CAMK1G: variants seen among roughly 807,000 people sequenced by gnomAD.
CAMK1G encodes calcium/calmodulin dependent protein kinase IG.
A neutral mutation model predicts 54.8 loss-of-function variants in CAMK1G; 27 were observed. That is an observed-to-expected ratio of 0.49 (90% CI 0.36 to 0.68). CAMK1G has a LOEUF of 0.68. Ranked by LOEUF, CAMK1G falls within the 30% of genes least tolerant of loss-of-function variation. The pLI is 0.00. For synonymous variants in CAMK1G, 238 were observed against 224.9 expected (o/e 1.06, Z -0.52); for missense variants, 512 against 591.0 (o/e 0.87, Z 1.39).
intron 3 of CAMK1G, among the ~76,000 whole-genome samples, chr1:209,601,012 C>T (rs941674233): frequency 6.6e-6 from 1 of 152,090 alleles, no homozygotes; most frequent in Admixed American, 6.5e-5. Context: ...GAAATGAGAC[C>T]TGATTACAAA....
chr1:209,610,008 C>T (rs1159548922), intron 9 of CAMK1G, 79 bp downstream of exon 9: 1 of 1,135,462 alleles, frequency 8.8e-7, no homozygotes, highest in African/African-American at 1.5e-5. Flanking sequence ...TATTGCATTT[C>T]CCTGGAATCT....
rs184537076 is a variant in CAMK1G at position 209,583,768 on chromosome 1, C to T, written c.-34C>T. On this transcript the variant is annotated 5_prime_UTR_variant, in exon 1 of 13. Transcript: ENST00000361322. ...GCTCAAGCAGGATTCTTCCCGAGTC[C>T]CTGGGTAAGACAACCCTGCTTCTTT... 6.6e-5 allele frequency: 10 copies of T among 152,332 alleles called. No individual in the cohort carries two copies. Among genetic ancestry groups the T allele is most frequent in the Admixed American group, 2.6e-4 (4 of 15,300 alleles). The allele number at this position is 152,332 out of a possible 1,614,324, so 9.4% of individuals were successfully genotyped here.
At chr1:209,599,548 T>C (rs1432694544) in intron 2 of CAMK1G, among the ~76,000 whole-genome samples, 1 of 152,198 alleles carries the variant, frequency 6.6e-6, no homozygotes, top group Non-Finnish European at 1.5e-5. Context: ...CAAGGACATT[T>C]GTGTATATTT....
chr1:209,600,161 C>T lies in CAMK1G; in HGVS notation c.221+50C>T, dbSNP rs776820568. Reference sequence around the variant, plus strand: ...GATCACTATGGGATCACAACATTTTCTTCACAAATTACCTTCAAAAAGGAC... The same window carrying T: ...GATCACTATGGGATCACAACATTTTTTTCACAAATTACCTTCAAAAAGGAC... On this transcript the variant is annotated intron_variant, in intron 3 of 12. Coordinates refer to ENST00000361322, the MANE Select transcript of CAMK1G (RefSeq NM_020439.3). The T allele has an allele frequency of 3.1e-6, 5 of 1,588,858 alleles. No homozygotes were observed. In the East Asian group the frequency reaches 9.0e-5, roughly 29 times the overall value.
At chr1:209,598,006 T>C (rs956978142) in intron 2 of CAMK1G, among the ~76,000 whole-genome samples, 14 of 152,328 alleles carry the variant, frequency 9.2e-5, no homozygotes, top group Non-Finnish European at 2.1e-4. Context: ...TCAGATACTA[T>C]TGATACTCCC....
At chr1:209,609,187 A>ATAG in intron 8 of CAMK1G, 95 bp downstream of exon 8, 1 of 1,477,210 alleles carries the variant, frequency 6.8e-7, no homozygotes, top group Non-Finnish European at 9.3e-7. Flanking sequence ...CCGGCTCTTC[A>ATAG]AAGTCCCTGG....
rs1253070204 is a variant in CAMK1G, at chr1:209,600,107, A to G, written c.217A>G (p.Lys73Glu). 1 of 1,613,108 alleles carries G rather than the reference A, an allele frequency of 6.2e-7. No individual in the cohort carries two copies. ...CCTGGAGAATGAGATTGCTGTGTTGAAAAAGTGAGTGGGTCTTAGTGTTGA... is the reference window on the plus strand; with the variant it reads ...CCTGGAGAATGAGATTGCTGTGTTGGAAAAGTGAGTGGGTCTTAGTGTTGA... ...SSLENEIAVL[K>E]KIKHENIVTL... Residue 73 changes from lysine to glutamate, a missense_variant, in exon 3 of 13, where the codon AAA becomes GAA. By Grantham distance (56) the Lys-to-Glu change is moderately conservative. Coordinates refer to ENST00000361322, the MANE Select transcript of CAMK1G (RefSeq NM_020439.3).
At chr1:209,601,762 T>G (rs1434375656) in intron 3 of CAMK1G, among the ~76,000 whole-genome samples, 1 of 152,226 alleles carries the variant, frequency 6.6e-6, no homozygotes, top group Admixed American at 6.5e-5. Flanking sequence ...GTAAAGAAGA[T>G]AGCTACTATT....
intron 6 of CAMK1G, among the ~76,000 whole-genome samples, chr1:209,607,612 G>A (rs1665679946): frequency 6.6e-6 from 1 of 152,186 alleles, no homozygotes. Context: ...AGTCCAACAG[G>A]TGAGTCATCG....
At chr1:209,596,553 A>G (rs1263942809) in intron 2 of CAMK1G, among the ~76,000 whole-genome samples, 2 of 152,144 alleles carry the variant, frequency 1.3e-5, no homozygotes, top group South Asian at 2.1e-4. Context: ...ATGTTGAAAC[A>G]TAAGGAAAAG....
intron 10 of CAMK1G, 92 bp from the exon 11 acceptor site, chr1:209,611,700 G>C: frequency 1.3e-6 from 2 of 1,524,496 alleles, no homozygotes; most frequent in Non-Finnish European, 1.8e-6. Flanking sequence ...TGGGCACCCA[G>C]GTTTCAAGAG....
In CAMK1G at chr1:209,587,437, G is replaced by A. The variant is rs376365711; in HGVS notation, c.-30+3665G>A. On this transcript the variant is annotated intron_variant, in intron 1 of 12. Transcript: ENST00000361322. ...AGAAGGAAAGAATTTCACTATCTACGAAATTTGGGAAATGCCAGATTAAAC... is the reference window on the plus strand; with the variant it reads ...AGAAGGAAAGAATTTCACTATCTACAAAATTTGGGAAATGCCAGATTAAAC... 1.6e-4 allele frequency among the ~76,000 whole-genome samples: 24 copies of A among 152,232 alleles called. No individual in the cohort carries two copies. In the East Asian group the frequency reaches 1.9e-3, roughly 12 times the overall value.
At chr1:209,594,878 G>C in intron 1 of CAMK1G, 77 bp from the exon 2 acceptor site, 1 of 786,364 alleles carries the variant, frequency 1.3e-6, no homozygotes, top group Non-Finnish European at 2.1e-6. Context: ...CAGTATTGCA[G>C]CCTGTTTTTA....
intron 2 of CAMK1G, among the ~76,000 whole-genome samples, chr1:209,596,640 G>A (rs1035100502): frequency 6.7e-6 from 1 of 149,414 alleles, no homozygotes; most frequent in Non-Finnish European, 1.5e-5. Flanking sequence ...TGTAGAGTAT[G>A]TATTTTACAT....
At chr1:209,595,357 G>C (rs550117642) in intron 2 of CAMK1G, among the ~76,000 whole-genome samples, 1 of 152,258 alleles carries the variant, frequency 6.6e-6, no homozygotes, top group Admixed American at 6.5e-5. Flanking sequence ...AGGAGGCGGA[G>C]GTTGCAGTGA....
At chr1:209,601,323 G>C (rs1164814383) in intron 3 of CAMK1G, among the ~76,000 whole-genome samples, 1 of 152,230 alleles carries the variant, frequency 6.6e-6, no homozygotes, top group Non-Finnish European at 1.5e-5. Flanking sequence ...GTTTGGGGTT[G>C]ACTAGTGAAA....
chr1:209,600,264 T>A (rs1199163257), intron 3 of CAMK1G, among the ~76,000 whole-genome samples, 153 bp downstream of exon 3: 1 of 151,168 alleles, frequency 6.6e-6, no homozygotes, highest in Non-Finnish European at 1.5e-5. Context: ...TTAGCTAAGT[T>A]TAGTCGGACA....
At chr1:209,589,569 A>G (rs926487503) in intron 1 of CAMK1G, among the ~76,000 whole-genome samples, 3 of 152,122 alleles carry the variant, frequency 2.0e-5, no homozygotes, top group African/African-American at 7.2e-5. Flanking sequence ...GCGCTCCCCA[A>G]TCAACCCACC....
intron 9 of CAMK1G, among the ~76,000 whole-genome samples, chr1:209,610,739 A>G (rs1322694089): frequency 6.6e-6 from 1 of 152,206 alleles, no homozygotes; most frequent in Non-Finnish European, 1.5e-5. Flanking sequence ...CACACGGCTT[A>G]CCATGTATTA....
Sources: gnomAD v4.1 joint callset for allele counts (sites outside exome capture counted in the v4.1 genomes callset) on GRCh38, gnomAD v4.1.1 for gene constraint, MANE v1.5 for transcripts, NCBI Gene and HGNC (gene_info 2026-07-23, HGNC 2026-07-21) for gene names.